The following LILRB2 variants were observed in gnomAD, a reference collection of about 807,000 sequenced individuals.
LILRB2 encodes leukocyte immunoglobulin like receptor B2.
Under a neutral mutation model 72.7 loss-of-function variants are expected in LILRB2, and 47 were observed. The ratio of observed to expected loss-of-function variants is 0.65; its 90% CI spans 0.51 to 0.82. The LOEUF (loss-of-function observed/expected upper bound fraction) is 0.82. LILRB2 is among the 40% of genes least tolerant of loss of function. LILRB2 has a pLI of 0.00. For missense variants in LILRB2, 767 were observed against 764.8 expected (o/e 1.00, Z -0.03); for synonymous variants, 279 against 313.7 (o/e 0.89, Z 1.17).
chr19:54,280,679 G>T, intron 1 of LILRB2, 135 bp from the exon 2 acceptor site: 3 of 1,238,654 alleles, frequency 2.4e-6, no homozygotes, highest in Non-Finnish European at 2.3e-6. Context: ...CCTCCCAGGA[G>T]CCTGACTCTC....
In LILRB2 at chr19:54,279,594, C is replaced by T; in HGVS notation, c.409G>A (p.Gly137Arg). The T allele has an allele frequency of 6.2e-7, 1 of 1,614,148 alleles. No individual in the cohort carries two copies. Residue 137 changes from glycine to arginine, a missense_variant, in exon 5 of 14, where the codon GGA becomes AGA. Gly to Arg is a moderately radical substitution (Grantham distance 125). Coordinates refer to ENST00000314446, the MANE Select transcript of LILRB2 (RefSeq NM_001080978.4). The part of the protein sequence containing the change: ...SAQPSPVVTS[G>R]GRVTLQCESQ... ...TCACACTGGAGGGTCACCCTTCCTC[C>T]TGAGGTCACCACAGGGCTGGGCTGG...
chr19:54,277,732 A>G (rs1249136677), intron 8 of LILRB2, 135 bp from the exon 9 acceptor site: 4 of 1,334,342 alleles, frequency 3.0e-6, no homozygotes, highest in Non-Finnish European at 4.2e-6. Flanking sequence ...CCAGCCTCAG[A>G]GCCCTGGGGA....
Position 54,274,583 on chromosome 19 carries a change from G to C in LILRB2, c.*100C>G. The stretch of plus-strand genomic sequence containing the variant: ...CCTCATGGTCTTTGTTAGGGGTCCA[G>C]GCTGACTGGGGTTCATTGGTGTCCA... On this transcript the variant is annotated 3_prime_UTR_variant, in exon 14 of 14. Coordinates refer to ENST00000314446, the MANE Select transcript of LILRB2 (RefSeq NM_001080978.4). 1 of 1,589,502 alleles carries C rather than the reference G, an allele frequency of 6.3e-7. No homozygotes were observed. Among genetic ancestry groups the C allele is most frequent in the South Asian group, 1.1e-5 (1 of 87,746 alleles).
rs551358719 is a variant in LILRB2, at chr19:54,274,533, G to A, written c.*150C>T. On this transcript the variant is annotated 3_prime_UTR_variant, in exon 14 of 14. Coordinates refer to ENST00000314446, the MANE Select transcript of LILRB2 (RefSeq NM_001080978.4). The stretch of plus-strand genomic sequence containing the variant: ...TTAGTTATTTCGACTGCAGAATCAA[G>A]TGAGTCCCAAAGTTCCCAGCATCTC... 2,268 of 1,405,850 alleles carry A rather than the reference G, an allele frequency of 1.6e-3. 2 individuals are homozygous for A. Among genetic ancestry groups the A allele is most frequent in the Non-Finnish European group, 2.0e-3 (2,149 of 1,048,384 alleles). 87.1% of individuals were successfully genotyped at this position (1,405,850 alleles called of 1,614,324 possible).
chr19:54,279,342 C>T lies in LILRB2; in HGVS notation c.658+3G>A. 1 of 1,609,112 alleles carries T rather than the reference C, an allele frequency of 6.2e-7. No homozygotes were observed. On this transcript the variant is annotated splice_donor_region_variant and intron_variant, in intron 5 of 13. Transcript: ENST00000314446. ...ACTCCAGACAATGCTGTGAATTTCT[C>T]ACCTGGGACCAGGAGCTCCAGGAGA...
Position 54,274,491 on chromosome 19 carries a change from TA to T in LILRB2, c.*191del. On this transcript the variant is annotated 3_prime_UTR_variant, in exon 14 of 14. Coordinates refer to ENST00000314446, the MANE Select transcript of LILRB2 (RefSeq NM_001080978.4). ...TTATTGAGAAGTCTGTTGCTTTAAT[TA>T]AAAAATGTAGGGATATTAGTTATTT... 1.9e-6 allele frequency: 2 copies of T among 1,073,522 alleles called. No homozygotes were observed. Among genetic ancestry groups the T allele is most frequent in the Non-Finnish European group, 1.3e-6 (1 of 765,952 alleles). 66.5% of individuals were successfully genotyped at this position (1,073,522 alleles called of 1,614,324 possible). A position where few individuals can be genotyped will look rare whatever the true frequency, so the allele number is the denominator to read the frequency against.
rs547797336 is a variant in LILRB2 at position 54,276,286 on chromosome 19, G to A, written c.1572C>T (p.Ala524=). 42 of 1,614,108 alleles carry A rather than the reference G, an allele frequency of 2.6e-5. No individual in the cohort carries two copies. The highest frequency in any genetic ancestry group is 5.3e-5 in the African/African-American group (4 of 74,970). Residue 524 remains alanine (A), a synonymous_variant, in exon 12 of 14, where the codon GCC becomes GCT. Coordinates refer to ENST00000314446, the MANE Select transcript of LILRB2 (RefSeq NM_001080978.4). Reference sequence around the variant, plus strand: ...CACAGAGGTTTTCTTCCTGGGCGTCGGCAGCTGGGCTGGACCTGGGGGAGG... The same window carrying A: ...CACAGAGGTTTTCTTCCTGGGCGTCAGCAGCTGGGCTGGACCTGGGGGAGG... The part of the protein sequence containing the change: ...RGLQWRSSPA[A]DAQEENLYAA...
At chr19:54,278,722 C>G in intron 6 of LILRB2, 90 bp downstream of exon 6, 1 of 1,561,732 alleles carries the variant, frequency 6.4e-7, no homozygotes, top group Non-Finnish European at 8.7e-7. Flanking sequence ...GGGACCACCC[C>G]CCGCCTCATC....
rs77679745 is a variant in LILRB2, at chr19:54,274,331, T to C, written c.*352A>G. The C allele has an allele frequency of 0.08, 17,306 of 215,068 alleles. 1,173 individuals are homozygous for C. Among genetic ancestry groups the C allele is most frequent in the South Asian group, 0.19 (1,359 of 7,004 alleles). The allele number at this position is 215,068 out of a possible 1,614,324, so 13.3% of individuals were successfully genotyped here. On this transcript the variant is annotated 3_prime_UTR_variant, in exon 14 of 14. Transcript: ENST00000314446. Reference sequence around the variant, plus strand: ...CAACGTCATTCATTTCCTAGTTTTTTTTTTTCGTTTCTACTTTTTTCATTT... The same window carrying C: ...CAACGTCATTCATTTCCTAGTTTTTCTTTTTCGTTTCTACTTTTTTCATTT...
At position 54,278,888 on chromosome 19, in the gene LILRB2, C is replaced by T. The variant is rs2080396211; in HGVS notation, c.879G>A (p.Gln293=). The T allele has an allele frequency of 2.5e-6, 4 of 1,614,148 alleles. No individual in the cohort carries two copies. The highest frequency in any genetic ancestry group is 1.3e-5 in the African/African-American group (1 of 75,046). The change falls in exon 6 of 14, where the codon CAG becomes CAA. Residue 293 remains glutamine (Q), a synonymous_variant. Transcript: ENST00000314446. ...GGTTGTGTGCACCGTAGCATCTGTA[C>T]TGGCCCCCGTAGGAGCGGCTCACAG... The part of the protein sequence containing the change: ...LGPVSRSYGG[Q]YRCYGAHNLS...
At position 54,274,503 on chromosome 19, in the gene LILRB2, G is replaced by A; in HGVS notation, c.*180C>T. ...CTGTTGCTTTAATTAAAAAATGTAG[G>A]GATATTAGTTATTTCGACTGCAGAA... On this transcript the variant is annotated 3_prime_UTR_variant, in exon 14 of 14. Transcript: ENST00000314446. 1 of 1,135,160 alleles carries A rather than the reference G, an allele frequency of 8.8e-7. No individual in the cohort carries two copies. The highest frequency in any genetic ancestry group is 1.2e-6 in the Non-Finnish European group (1 of 816,980). 70.3% of individuals were successfully genotyped at this position (1,135,160 alleles called of 1,614,324 possible).
intron 11 of LILRB2, 37 bp from the exon 12 acceptor site, chr19:54,276,338 G>C: frequency 6.2e-7 from 1 of 1,613,276 alleles, no homozygotes. Flanking sequence ...GCAGTGTATG[G>C]GCCACGAGCA....
chr19:54,276,883 G>C lies in LILRB2; in HGVS notation c.1404C>G (p.Val468=), dbSNP rs774293321. 6.2e-7 allele frequency: 1 copy of C among 1,614,034 alleles called. No homozygotes were observed. The highest frequency in any genetic ancestry group is 8.5e-7 in the Non-Finnish European group (1 of 1,179,970). ...LGVVIGILVA[V]VLLLLLLLLL... ...GGAGGAGGAGGAGGAGCAGTAGGAC[G>C]ACGGCCACCAAGATGCCGATCACAA... is the stretch of plus-strand genomic sequence containing the variant. Residue 468 remains valine, a synonymous_variant, in exon 10 of 14, where the codon GTC becomes GTG. Transcript: ENST00000314446.
rs372331023 is a variant in LILRB2 at position 54,274,677 on chromosome 19, T to C, written c.*6A>G. 4,546 of 1,606,368 alleles carry C rather than the reference T, an allele frequency of 2.8e-3. 253 individuals are homozygous for C. The South Asian group carries it at 0.036, about 13-fold the overall frequency. On this transcript the variant is annotated 3_prime_UTR_variant, in exon 14 of 14. Transcript: ENST00000314446. ...TACTGAGTGTGGAGTCTGCGTACCCTCCGGGCTAGTGGATGGCCAGGGTGG... is the reference window on the plus strand; with the variant it reads ...TACTGAGTGTGGAGTCTGCGTACCCCCCGGGCTAGTGGATGGCCAGGGTGG...
Position 54,280,444 on chromosome 19 carries a change from C to T in LILRB2, c.34+19G>A, listed in dbSNP as rs747009937. ...GGTCCCTCCTAGGTTAGAAGCTCCC[C>T]TCTCTCTTCAAATCTCACCGAGACA... is the stretch of plus-strand genomic sequence containing the variant. On this transcript the variant is annotated intron_variant, in intron 2 of 13. Coordinates refer to ENST00000314446, the MANE Select transcript of LILRB2 (RefSeq NM_001080978.4). The T allele has an allele frequency of 5.0e-6, 8 of 1,612,650 alleles. No homozygotes were observed. In the African/African-American group the frequency reaches 5.4e-5, roughly 11 times the overall value.
In LILRB2 at chr19:54,279,507, A is replaced by G. The variant is rs993202888; in HGVS notation, c.496T>C (p.Cys166Arg). 5.0e-6 allele frequency: 8 copies of G among 1,613,896 alleles called. No individual in the cohort carries two copies. In the Admixed American group the frequency reaches 8.3e-5, roughly 17 times the overall value. The change falls in exon 5 of 14, where the codon TGC becomes CGC. Residue 166 changes from cysteine to arginine, a missense_variant. Coordinates refer to ENST00000314446, the MANE Select transcript of LILRB2 (RefSeq NM_001080978.4). ...CGGGCATGGGGCTGGGAGTTCAGGC[A>G]TTGTGGGTGTTCATCTTCTCCTTCC... ...CKEGEDEHPQ[C>R]LNSQPHARGS...
Position 54,276,830 on chromosome 19 carries a change from C to T in LILRB2, c.1457G>A (p.Arg486His), listed in dbSNP as rs749515031. 2.2e-5 allele frequency: 35 copies of T among 1,613,748 alleles called. No individual in the cohort carries two copies. Among genetic ancestry groups the T allele is most frequent in the East Asian group, 6.7e-5 (3 of 44,878 alleles). Residue 486 changes from arginine (R) to histidine (H), a missense_variant, in exon 10 of 14, where the codon CGT becomes CAT. Arg to His is a conservative substitution (Grantham distance 29). Coordinates refer to ENST00000314446, the MANE Select transcript of LILRB2 (RefSeq NM_001080978.4). ...LLLFLILRHR[R>H]QGKHWTSTQR... ...ACTCGATGTCCAGTGTTTGCCCTGA[C>T]GTCGATGTCGGAGGATGAGGAAGAG...
rs952298489 is a variant in LILRB2 at position 54,274,390 on chromosome 19, G to A, written c.*293C>T. The stretch of plus-strand genomic sequence containing the variant: ...TACTTTTTCAATTTCATTGTGTGAT[G>A]TGTAATATTTATATTGTGATTCAGT... On this transcript the variant is annotated 3_prime_UTR_variant, in exon 14 of 14. Transcript: ENST00000314446. 3 of 393,444 alleles carry A rather than the reference G, an allele frequency of 7.6e-6. No individual in the cohort carries two copies. Among genetic ancestry groups the A allele is most frequent in the African/African-American group, 2.0e-5 (1 of 49,040 alleles). 24.4% of individuals were successfully genotyped at this position (393,444 alleles called of 1,614,324 possible). A position where few individuals can be genotyped will look rare whatever the true frequency, so the allele number is the denominator to read the frequency against.
chr19:54,279,487 A>G lies in LILRB2; in HGVS notation c.516T>C (p.His172=). Residue 172 remains histidine (H), a synonymous_variant, in exon 5 of 14, where the codon CAT becomes CAC. Coordinates refer to ENST00000314446, the MANE Select transcript of LILRB2 (RefSeq NM_001080978.4). ...EHPQCLNSQP[H]ARGSSRAIFS... ...AGATGGCGCGGGACGACCCACGGGC[A>G]TGGGGCTGGGAGTTCAGGCATTGTG... is the stretch of plus-strand genomic sequence containing the variant. The G allele has an allele frequency of 6.2e-7, 1 of 1,614,032 alleles. No individual in the cohort carries two copies. The highest frequency in any genetic ancestry group is 8.5e-7 in the Non-Finnish European group (1 of 1,179,990).
Sources: allele counts gnomAD v4.1 joint callset, GRCh38; gene constraint gnomAD v4.1.1; transcripts MANE v1.5; gene names NCBI Gene and HGNC (gene_info 2026-07-23, HGNC 2026-07-21).